COL4A6: variants seen among roughly 807,000 people sequenced by gnomAD.
The protein encoded by COL4A6 is collagen alpha-6(IV) chain.
COL4A6 carries 59 observed loss-of-function variants against 126.7 expected under a neutral mutation model. The ratio of observed to expected loss-of-function variants is 0.47; its 90% confidence interval spans 0.38 to 0.58. The LOEUF (loss-of-function observed/expected upper bound fraction) is 0.58, where lower values mean the gene tolerates loss of function less well. Ranked by LOEUF, COL4A6 falls within the 20% of genes least tolerant of loss-of-function variation. The pLI is 0.00. For synonymous variants in COL4A6, 547 were observed against 496.6 expected (o/e 1.10, Z -1.35); for missense variants, 1,285 against 1,337.3 (o/e 0.96, Z 0.61).
Position 108,394,340 on chromosome X carries a change from G to A in COL4A6, c.63+43602C>T, listed in dbSNP as rs772069201. On this transcript the variant is annotated intron_variant, in intron 2 of 44. Coordinates refer to ENST00000334504, the MANE Select transcript of COL4A6 (RefSeq NM_033641.4). ...ACCTAATGCAGATGAGGGGTTGATG[G>A]GTGCAGCAAACCACCATGGCACATG... Among the ~76,000 whole-genome samples the A allele has an allele frequency of 2.6e-3, 280 of 109,658 alleles. 1 individual carries two copies. Among genetic ancestry groups the A allele is most frequent in the African/African-American group, 8.9e-3 (267 of 30,024 alleles).
intron 3 of COL4A6, among the ~76,000 whole-genome samples, chrX:108,273,711 TAA>T (rs1242895366): frequency 1.8e-5 from 2 of 112,032 alleles, no homozygotes; most frequent in East Asian, 5.6e-4. Flanking sequence ...ATCTGTATTT[TAA>T]AAGTGTTTCT....
intron 2 of COL4A6, among the ~76,000 whole-genome samples, chrX:108,341,866 A>G (rs1355626133): frequency 4.4e-5 from 5 of 112,372 alleles, no homozygotes; most frequent in Non-Finnish European, 9.4e-5. Context: ...ATAAAATTAA[A>G]ACACATTAGA....
intron 3 of COL4A6, among the ~76,000 whole-genome samples, chrX:108,264,150 G>A (rs768279271): frequency 1.2e-4 from 13 of 111,495 alleles, no homozygotes; most frequent in South Asian, 3.8e-4. Context: ...GGTAAAAGCC[G>A]GAGGTGGGTG....
chrX:108,327,688 G>T (rs763305403), intron 2 of COL4A6, among the ~76,000 whole-genome samples: 1 of 109,544 alleles, frequency 9.1e-6, no homozygotes, highest in African/African-American at 3.3e-5. Context: ...GGAATATGAG[G>T]GAACTTTTGC....
chrX:108,400,333 T>C (rs1305828050), intron 2 of COL4A6, among the ~76,000 whole-genome samples: 2 of 111,287 alleles, frequency 1.8e-5, no homozygotes, highest in Non-Finnish European at 3.8e-5. Flanking sequence ...ACTTTGGCCA[T>C]AAATCACATA....
intron 8 of COL4A6, 25 bp downstream of exon 8, chrX:108,209,944 G>T: frequency 8.3e-7 from 1 of 1,205,573 alleles, no homozygotes; most frequent in Non-Finnish European, 1.1e-6. Flanking sequence ...AACACTGAGA[G>T]CTCAACACAT....
At chrX:108,241,023 T>C (rs1469122003) in intron 3 of COL4A6, among the ~76,000 whole-genome samples, 5 of 110,999 alleles carry the variant, frequency 4.5e-5, no homozygotes, top group Non-Finnish European at 5.7e-5. Flanking sequence ...GTGATGATAA[T>C]GTTCTGTATC....
At position 108,165,036 on chromosome X, in the gene COL4A6, G is replaced by A. The variant is rs757302174; in HGVS notation, c.3811C>T (p.Arg1271Cys). 2.1e-5 allele frequency: 25 copies of A among 1,202,513 alleles called. No individual in the cohort carries two copies. The highest frequency in any genetic ancestry group is 2.4e-4 in the Middle Eastern group (1 of 4,187). The change falls in exon 39 of 45, where the codon CGC becomes TGC. Residue 1271 changes from arginine to cysteine, a missense_variant and splice_region_variant. Transcript: ENST00000334504. ...GRPGLDGERG[R>C]PGPAGPPGPP... ...CCTGGGGGTCCAGCGGGGCCTGGGCGGCCTAGGGATAAGATCGGAAGAGGG... is the reference window on the plus strand; with the variant it reads ...CCTGGGGGTCCAGCGGGGCCTGGGCAGCCTAGGGATAAGATCGGAAGAGGG...
intron 3 of COL4A6, among the ~76,000 whole-genome samples, chrX:108,278,413 G>T (rs749686914): frequency 9.0e-6 from 1 of 111,729 alleles, no homozygotes; most frequent in African/African-American, 3.2e-5. Flanking sequence ...TGAAATGAAT[G>T]AAATGAAGCA....
chrX:108,272,985 G>T (rs1045291850), intron 3 of COL4A6, among the ~76,000 whole-genome samples: 1 of 109,441 alleles, frequency 9.1e-6, no homozygotes, highest in Non-Finnish European at 1.9e-5. Flanking sequence ...TGCACAACTT[G>T]CAGGTTTGTT....
At chrX:108,352,532 T>C in intron 2 of COL4A6, among the ~76,000 whole-genome samples, 1 of 112,149 alleles carries the variant, frequency 8.9e-6, no homozygotes, top group Non-Finnish European at 1.9e-5. Flanking sequence ...CTAAATATTA[T>C]CTCATTTAAT....
intron 2 of COL4A6, among the ~76,000 whole-genome samples, chrX:108,343,204 G>GTGTGTGTGTGTT (rs1302659215): frequency 1.0e-5 from 1 of 97,793 alleles, no homozygotes; most frequent in East Asian, 3.2e-4. Context: ...GTGTGTGTGT[G>GTGTGTGTGTGTT]TATGTACAAA....
intron 2 of COL4A6, among the ~76,000 whole-genome samples, chrX:108,435,060 T>C (rs1402645210): frequency 9.0e-6 from 1 of 111,190 alleles, no homozygotes; most frequent in Non-Finnish European, 1.9e-5. Flanking sequence ...GTTACAACTT[T>C]AAAGAAAGAA....
chrX:108,250,163 CTAAA>C (rs752144525), intron 3 of COL4A6, among the ~76,000 whole-genome samples: 2 of 111,358 alleles, frequency 1.8e-5, no homozygotes, highest in South Asian at 7.7e-4. Flanking sequence ...CTATAAATTT[CTAAA>C]CAATTTCCAA....
chrX:108,259,671 T>C (rs146889771), intron 3 of COL4A6, among the ~76,000 whole-genome samples: 112 of 111,856 alleles, frequency 1.0e-3, no homozygotes, highest in African/African-American at 3.3e-3. Context: ...GCTCTAGGAC[T>C]GTATGTATTT....
intron 2 of COL4A6, among the ~76,000 whole-genome samples, chrX:108,384,576 T>C (rs1388197404): frequency 1.8e-5 from 2 of 112,014 alleles, no homozygotes; most frequent in Non-Finnish European, 3.8e-5. Flanking sequence ...GTTGGGGATC[T>C]GGCTCATAGT....
intron 8 of COL4A6, among the ~76,000 whole-genome samples, chrX:108,209,712 G>C (rs757259265): frequency 3.3e-4 from 37 of 112,214 alleles, no homozygotes; most frequent in Admixed American, 2.4e-3. Context: ...ATTCCTAGGG[G>C]AAAGTACATC....
intron 2 of COL4A6, among the ~76,000 whole-genome samples, chrX:108,397,414 G>A (rs1339766917): frequency 2.7e-5 from 3 of 110,672 alleles, no homozygotes; most frequent in Non-Finnish European, 5.7e-5. Flanking sequence ...ATATAGTCAG[G>A]CGTGCACTTT....
chrX:108,180,675 A>G (rs1183163893), intron 24 of COL4A6, 53 bp from the exon 25 acceptor site: 3 of 960,859 alleles, frequency 3.1e-6, no homozygotes, highest in Non-Finnish European at 4.3e-6. Flanking sequence ...TGTGCTAGGT[A>G]TGATTTGTGA....
Sources: allele counts gnomAD v4.1 joint callset (sites outside exome capture counted in the v4.1 genomes callset), GRCh38; gene constraint gnomAD v4.1.1; transcripts MANE v1.5; gene names NCBI Gene and HGNC (gene_info 2026-07-23, HGNC 2026-07-21).